N4BP2L2: variants seen among roughly 807,000 people sequenced by gnomAD.
N4BP2L2 encodes the protein NEDD4-binding protein 2-like 2.
N4BP2L2 carries 50 observed loss-of-function variants against 56.2 expected under a neutral mutation model. The observed-to-expected ratio is 0.89, with a 90% CI of 0.71 to 1.13. The LOEUF (loss-of-function observed/expected upper bound fraction) is 1.13. N4BP2L2 is among the 50% of genes most tolerant of loss of function. The probability of loss-of-function intolerance (pLI) is 0.00; values close to 1 mark genes in which losing one functional copy is unlikely to be tolerated. For missense variants in N4BP2L2, 689 were observed against 693.8 expected (o/e 0.99, Z 0.08); for synonymous variants, 203 against 223.6 (o/e 0.91, Z 0.82).
chr13:32,521,251 C>T, intron 5 of N4BP2L2, 122 bp downstream of exon 5: 1 of 740,730 alleles, frequency 1.4e-6, no homozygotes, highest in Non-Finnish European at 2.3e-6. Flanking sequence ...GAAAAAAGGT[C>T]CTCACATTTT....
intron 1 of N4BP2L2, 112 bp from the exon 2 acceptor site, chr13:32,537,139 A>G: frequency 2.6e-6 from 2 of 775,812 alleles, no homozygotes; most frequent in South Asian, 3.0e-5. Context: ...GATATATTTA[A>G]TGGTAACAAT....
chr13:32,462,882 A>AAG (rs1566064602), intron 6 of N4BP2L2, among the ~76,000 whole-genome samples: 1 of 140,814 alleles, frequency 7.1e-6, no homozygotes, highest in African/African-American at 2.8e-5. Flanking sequence ...AAAAAAAAAA[A>AAG]AAAAAAAAAA....
At chr13:32,466,579 C>G (rs781728226) in intron 6 of N4BP2L2, among the ~76,000 whole-genome samples, 8 of 151,916 alleles carry the variant, frequency 5.3e-5, no homozygotes, top group Non-Finnish European at 7.4e-5. Flanking sequence ...TAACAGAATA[C>G]CCACACCATG....
intron 2 of N4BP2L2, among the ~76,000 whole-genome samples, chr13:32,529,883 G>T (rs1047771194): frequency 6.6e-6 from 1 of 151,582 alleles, no homozygotes; most frequent in African/African-American, 2.4e-5. Flanking sequence ...GTGCCATCAC[G>T]CCCGGCTAAT....
chr13:32,458,673 C>T (rs558636026), intron 6 of N4BP2L2, among the ~76,000 whole-genome samples: 10 of 152,210 alleles, frequency 6.6e-5, no homozygotes, highest in African/African-American at 2.4e-4. Flanking sequence ...GAGATAGACT[C>T]TAGAACAATA....
chr13:32,463,796 A>C (rs1320363147), intron 6 of N4BP2L2, among the ~76,000 whole-genome samples: 2 of 151,960 alleles, frequency 1.3e-5, no homozygotes, highest in South Asian at 4.2e-4. Flanking sequence ...AAATACTGTG[A>C]ACCATGAACT....
At chr13:32,442,465 C>G in exon 7 of N4BP2L2, 2 of 1,612,908 alleles carry the variant, frequency 1.2e-6, no homozygotes, top group Non-Finnish European at 1.7e-6. Flanking sequence ...CTCAAGGGAA[C>G]GGTAGTCAGT....
chr13:32,483,063 GAAGC>G (rs1271042034), intron 6 of N4BP2L2, among the ~76,000 whole-genome samples: 5 of 152,332 alleles, frequency 3.3e-5, no homozygotes, highest in African/African-American at 1.2e-4. Context: ...ATTGATGTCT[GAAGC>G]AGTAGCCATT....
intron 6 of N4BP2L2, among the ~76,000 whole-genome samples, chr13:32,468,045 G>A (rs1392612264): frequency 6.6e-6 from 1 of 152,062 alleles, no homozygotes; most frequent in African/African-American, 2.4e-5. Flanking sequence ...TCAGTTTCAG[G>A]AGGCCCTTAA....
chr13:32,527,473 T>C (rs752107786), exon 3 of N4BP2L2: 9 of 1,613,828 alleles, frequency 5.6e-6, no homozygotes, highest in Non-Finnish European at 1.7e-6. Flanking sequence ...CCCATCTTGA[T>C]GGTGAAAATA....
intron 6 of N4BP2L2, among the ~76,000 whole-genome samples, chr13:32,454,996 T>C (rs1175647241): frequency 6.6e-6 from 1 of 152,098 alleles, no homozygotes; most frequent in Non-Finnish European, 1.5e-5. Context: ...CCTCGACCCT[T>C]GTAAGCCCTG....
exon 6 of N4BP2L2, chr13:32,513,163 A>G (rs1272672901): frequency 1.3e-5 from 2 of 152,220 alleles, no homozygotes; most frequent in Non-Finnish European, 2.9e-5. Flanking sequence ...ATTCTTTTAC[A>G]TGTTTTCTGA....
intron 6 of N4BP2L2, among the ~76,000 whole-genome samples, chr13:32,474,022 T>G (rs557168168): frequency 9.2e-5 from 14 of 152,316 alleles, no homozygotes; most frequent in Admixed American, 1.3e-4. Context: ...AAATTTGAAT[T>G]ATTATAGAAT....
intron 2 of N4BP2L2, among the ~76,000 whole-genome samples, chr13:32,532,945 C>T (rs74963826): frequency 2.0e-5 from 3 of 150,642 alleles, no homozygotes; most frequent in African/African-American, 7.3e-5. Flanking sequence ...ACTGATCTCA[C>T]ACTTCTGGCC....
intron 3 of N4BP2L2, 159 bp from the exon 4 acceptor site, chr13:32,522,429 T>C (rs912448436): frequency 2.0e-5 from 9 of 439,758 alleles, no homozygotes; most frequent in Middle Eastern, 5.9e-4. Flanking sequence ...CTCCACTAGA[T>C]TGAAAGGGAA....
At chr13:32,537,147 A>C (rs193005839) in intron 1 of N4BP2L2, 120 bp from the exon 2 acceptor site, 1 of 671,660 alleles carries the variant, frequency 1.5e-6, no homozygotes, top group African/African-American at 1.9e-5. Flanking sequence ...TAATGGTAAC[A>C]ATTTCCCAAA....
At chr13:32,496,956 C>A (rs556991589) in intron 6 of N4BP2L2, among the ~76,000 whole-genome samples, 1 of 152,286 alleles carries the variant, frequency 6.6e-6, no homozygotes, top group African/African-American at 2.4e-5. Context: ...ACTATTCTTG[C>A]CCAAGACTTG....
chr13:32,529,249 T>A (rs1269011004), intron 2 of N4BP2L2, among the ~76,000 whole-genome samples: 1 of 152,262 alleles, frequency 6.6e-6, no homozygotes, highest in African/African-American at 2.4e-5. Flanking sequence ...TATAGGTTGG[T>A]GTGAACGTAA....
At chr13:32,464,720 T>A (rs1456523112) in intron 6 of N4BP2L2, among the ~76,000 whole-genome samples, 1 of 152,140 alleles carries the variant, frequency 6.6e-6, no homozygotes, top group Non-Finnish European at 1.5e-5. Context: ...AGATATAGAC[T>A]ACTGACTGAC....
Sources: gnomAD v4.1 joint callset for allele counts (sites outside exome capture counted in the v4.1 genomes callset) on GRCh38, gnomAD v4.1.1 for gene constraint, MANE v1.5 for transcripts, NCBI Gene and HGNC (gene_info 2026-07-23, HGNC 2026-07-21) for gene names.